Variants in CSMD1 observed in about 807,000 individuals in gnomAD.
CSMD1 encodes the protein CUB and Sushi multiple domains 1.
A neutral mutation model predicts 417.5 loss-of-function variants in CSMD1; 213 were observed. That is an observed-to-expected ratio of 0.51 (90% CI 0.46 to 0.57). CSMD1 has a LOEUF of 0.57. Ranked by LOEUF, CSMD1 falls within the 20% of genes least tolerant of loss-of-function variation. The pLI is 0.00. For missense variants in CSMD1, 6,923 were observed against 4,529.7 expected (o/e 1.53, Z -15.17); for synonymous variants, 2,862 against 1,736.8 (o/e 1.65, Z -16.11).
intron 3 of CSMD1, among the ~76,000 whole-genome samples, chr8:4,044,408 G>C (rs190200951): frequency 6.7e-4 from 102 of 152,202 alleles, no homozygotes; most frequent in Non-Finnish European, 3.4e-4. Context: ...AGTCTACTTT[G>C]TGTCATTCCA....
intron 1 of CSMD1, among the ~76,000 whole-genome samples, chr8:4,757,377 C>G (rs996886837): frequency 5.3e-5 from 8 of 152,132 alleles, no homozygotes; most frequent in African/African-American, 1.9e-4. Context: ...TAAGATGATT[C>G]AATATACACA....
intron 10 of CSMD1, among the ~76,000 whole-genome samples, chr8:3,521,728 C>T (rs1259124094): frequency 6.6e-6 from 1 of 152,260 alleles, no homozygotes; most frequent in East Asian, 1.9e-4. Context: ...GAACAGTATG[C>T]CTCAAAGATG....
At chr8:3,512,678 G>T (rs1290100166) in intron 10 of CSMD1, among the ~76,000 whole-genome samples, 1 of 150,916 alleles carries the variant, frequency 6.6e-6, no homozygotes, top group Non-Finnish European at 1.5e-5. Flanking sequence ...ACATGATCTG[G>T]GCTCCCTGCA....
intron 1 of CSMD1, among the ~76,000 whole-genome samples, chr8:4,910,015 G>C (rs1414843304): frequency 6.6e-6 from 1 of 152,162 alleles, no homozygotes; most frequent in African/African-American, 2.4e-5. Flanking sequence ...AAATGTTTCA[G>C]CATATATGAA....
At chr8:3,656,184 T>G (rs930267799) in intron 7 of CSMD1, among the ~76,000 whole-genome samples, 3 of 152,150 alleles carry the variant, frequency 2.0e-5, no homozygotes, top group Non-Finnish European at 4.4e-5. Flanking sequence ...GTGAGAATGT[T>G]TCCTACCAGA....
At chr8:4,006,935 CT>C (rs1276192329) in intron 4 of CSMD1, among the ~76,000 whole-genome samples, 3 of 142,936 alleles carry the variant, frequency 2.1e-5, no homozygotes, top group African/African-American at 7.9e-5. Context: ...TCAAGCGATT[CT>C]CCTGCTTCAG....
rs1358094370 is a variant in CSMD1, at chr8:3,162,243, G to A, written c.5760C>T (p.Leu1920=). 2 of 1,610,934 alleles carry A rather than the reference G, an allele frequency of 1.2e-6. No individual in the cohort carries two copies. Among genetic ancestry groups the A allele is most frequent in the Non-Finnish European group, 1.7e-6 (2 of 1,178,594 alleles). ...CTCCGATTTTGATGCTGTTGCTGGG[G>A]AGGGCTGGTTCTTGGCATGCAGCAA... The part of the protein sequence containing the change: ...VGLAACQEPA[L]PSNSIKIGDR... Residue 1920 remains leucine (L), a synonymous_variant, in exon 38 of 70, where the codon CTC becomes CTT. Transcript: ENST00000635120.
chr8:3,506,683 G>A (rs985675199), intron 10 of CSMD1, among the ~76,000 whole-genome samples: 5 of 152,166 alleles, frequency 3.3e-5, no homozygotes, highest in East Asian at 3.9e-4. Context: ...AATAAACTCC[G>A]AATTTGGGGT....
intron 1 of CSMD1, among the ~76,000 whole-genome samples, chr8:4,841,577 C>G (rs1162220641): frequency 1.3e-5 from 2 of 152,016 alleles, no homozygotes; most frequent in Non-Finnish European, 2.9e-5. Context: ...AACCATTACG[C>G]TGAAATATAA....
chr8:3,762,653 G>A (rs937828253), intron 5 of CSMD1, among the ~76,000 whole-genome samples: 77 of 152,222 alleles, frequency 5.1e-4, no homozygotes, highest in Non-Finnish European at 9.1e-4. Flanking sequence ...TCGCCCTGCT[G>A]ACGCCGTACA....
chr8:3,894,495 T>C (rs542436430), intron 5 of CSMD1, among the ~76,000 whole-genome samples: 1 of 152,140 alleles, frequency 6.6e-6, no homozygotes, highest in Admixed American at 6.5e-5. Flanking sequence ...CTACAAGTAG[T>C]TTTAACATTT....
chr8:3,706,898 C>T (rs963685648), intron 7 of CSMD1, among the ~76,000 whole-genome samples: 1 of 151,898 alleles, frequency 6.6e-6, no homozygotes, highest in Non-Finnish European at 1.5e-5. Flanking sequence ...ATTTTTTTCC[C>T]TTCAGTTTTC....
At chr8:3,821,582 G>A (rs543333190) in intron 5 of CSMD1, among the ~76,000 whole-genome samples, 2 of 152,086 alleles carry the variant, frequency 1.3e-5, no homozygotes, top group African/African-American at 4.8e-5. Flanking sequence ...AAGAGTACGA[G>A]ACCAGCCTGG....
chr8:4,915,169 A>G (rs1805966927), intron 1 of CSMD1, among the ~76,000 whole-genome samples: 1 of 152,178 alleles, frequency 6.6e-6, no homozygotes, highest in Admixed American at 6.5e-5. Flanking sequence ...GATTATATAT[A>G]TAAGAGAAAT....
intron 2 of CSMD1, among the ~76,000 whole-genome samples, chr8:4,566,516 G>A (rs1459857338): frequency 6.6e-6 from 1 of 151,820 alleles, no homozygotes; most frequent in African/African-American, 2.4e-5. Context: ...AGCCGGGCGT[G>A]GTGGCGGGCG....
At chr8:3,069,004 TGAGACAAGGA>T (rs1330120642) in intron 49 of CSMD1, among the ~76,000 whole-genome samples, 2 of 152,136 alleles carry the variant, frequency 1.3e-5, no homozygotes, top group African/African-American at 4.8e-5. Context: ...AAGCCTCATC[TGAGACAAGGA>T]GAGACAAGGC....
chr8:4,788,943 TGCAGA>T (rs1301909912), intron 1 of CSMD1, among the ~76,000 whole-genome samples: 3 of 152,302 alleles, frequency 2.0e-5, no homozygotes, highest in African/African-American at 7.2e-5. Flanking sequence ...AGACTGTAGA[TGCAGA>T]GTTCTGACAT....
intron 4 of CSMD1, among the ~76,000 whole-genome samples, chr8:4,015,269 G>T (rs993050267): frequency 6.6e-6 from 1 of 152,120 alleles, no homozygotes; most frequent in South Asian, 2.1e-4. Context: ...TAAAAACACA[G>T]CTGTGTTTTA....
intron 7 of CSMD1, among the ~76,000 whole-genome samples, chr8:3,676,788 G>C (rs1799397663): frequency 6.6e-6 from 1 of 152,132 alleles, no homozygotes; most frequent in South Asian, 2.1e-4. Context: ...ATCAATGATA[G>C]ACTGGATAAA....
Sources: allele counts gnomAD v4.1 joint callset (sites outside exome capture counted in the v4.1 genomes callset), GRCh38; gene constraint gnomAD v4.1.1; transcripts MANE v1.5; gene names NCBI Gene and HGNC (gene_info 2026-07-23, HGNC 2026-07-21).